Variants in CABYR observed in about 807,000 individuals in gnomAD.
CABYR encodes the protein calcium-binding tyrosine phosphorylation-regulated protein.
CABYR carries 31 observed loss-of-function variants against 36.1 expected under a neutral mutation model. The observed-to-expected ratio is 0.86, with a 90% CI of 0.64 to 1.16. The LOEUF (loss-of-function observed/expected upper bound fraction) is 1.16, where lower values mean the gene tolerates loss of function less well. CABYR is among the 50% of genes most tolerant of loss of function. The probability of loss-of-function intolerance (pLI) is 0.00; values close to 1 mark genes in which losing one functional copy is unlikely to be tolerated. For missense variants in CABYR, 429 were observed against 455.8 expected (o/e 0.94, Z 0.53); for synonymous variants, 146 against 160.7 (o/e 0.91, Z 0.69).
chr18:24,156,327 G>A, intron 4 of CABYR: 1 of 1,614,144 alleles, frequency 6.2e-7, no homozygotes, highest in Middle Eastern at 1.6e-4. Flanking sequence ...TTATGATCAA[G>A]CTCCTGAGGT....
rs1181239647 is a variant in CABYR at position 24,155,793 on chromosome 18, C to T, written c.292C>T (p.Gln98Ter). 1.2e-6 allele frequency: 2 copies of T among 1,613,876 alleles called. No homozygotes were observed. The highest frequency in any genetic ancestry group is 1.7e-6 in the Non-Finnish European group (2 of 1,179,922). Residue 98 changes from glutamine to a stop codon, truncating the protein, a stop_gained, in exon 4 of 6, where the codon CAG (glutamine) becomes TAG (stop). Transcript: ENST00000399496. LOFTEE classifies it high-confidence loss of function. ...ATCTGTAGAATCTAAAGTACCTACCCAGATGGAAAAATCTACAGACACAGA... is the reference window on the plus strand; with the variant it reads ...ATCTGTAGAATCTAAAGTACCTACCTAGATGGAAAAATCTACAGACACAGA... ...KTSVESKVPT[Q>*]MEKSTDTDED...
chr18:24,148,889 T>G (rs1568459531), intron 3 of CABYR, among the ~76,000 whole-genome samples: 1 of 152,112 alleles, frequency 6.6e-6, no homozygotes, highest in Non-Finnish European at 1.5e-5. Flanking sequence ...CAAAATTTAT[T>G]GCAAAGAGGA....
At position 24,147,179 on chromosome 18, in the gene CABYR, T is replaced by C. The variant is rs796321424; in HGVS notation, c.199+3766T>C. Among the ~76,000 whole-genome samples, 89 of 140,128 alleles carry C rather than the reference T, an allele frequency of 6.4e-4. 1 individual carries two copies. The highest frequency in any genetic ancestry group is 2.2e-3 in the African/African-American group (83 of 37,024). The allele number at this position is 140,128 out of a possible 152,430, so 91.9% of individuals were successfully genotyped here. On this transcript the variant is annotated intron_variant, in intron 3 of 5. Coordinates refer to ENST00000399496, the MANE Select transcript of CABYR (RefSeq NM_153769.3). ...GCATGGTGGCACACACCTGTAGTCGTGGATATTCAGGAGGCTGAAGCTGTG... is the reference window on the plus strand; with the variant it reads ...GCATGGTGGCACACACCTGTAGTCGCGGATATTCAGGAGGCTGAAGCTGTG...
At chr18:24,150,147 G>C (rs188466350) in intron 3 of CABYR, among the ~76,000 whole-genome samples, 1 of 152,386 alleles carries the variant, frequency 6.6e-6, no homozygotes, top group East Asian at 1.9e-4. Context: ...AGACCCGGAA[G>C]AGAAGAGGGA....
chr18:24,149,858 C>T (rs1324216744), intron 3 of CABYR, among the ~76,000 whole-genome samples: 1 of 152,252 alleles, frequency 6.6e-6, no homozygotes, highest in East Asian at 1.9e-4. Flanking sequence ...ATGCGGGGCC[C>T]GCCAAGCCCA....
chr18:24,153,623 C>T (rs1411495575), intron 3 of CABYR, among the ~76,000 whole-genome samples: 1 of 152,158 alleles, frequency 6.6e-6, no homozygotes, highest in Non-Finnish European at 1.5e-5. Context: ...GGGCTGGTTC[C>T]TCTTTTGAAA....
intron 3 of CABYR, among the ~76,000 whole-genome samples, chr18:24,151,992 G>A (rs2085651417): frequency 6.6e-6 from 1 of 152,046 alleles, no homozygotes; most frequent in Non-Finnish European, 1.5e-5. Context: ...GCCTGACCTA[G>A]TGTTTGCATT....
intron 3 of CABYR, among the ~76,000 whole-genome samples, chr18:24,153,299 T>G (rs967603240): frequency 2.0e-5 from 3 of 152,116 alleles, no homozygotes; most frequent in Admixed American, 2.0e-4. Flanking sequence ...AGCCAAACTC[T>G]GCCTTCTCTC....
At chr18:24,146,330 G>A (rs958548501) in intron 3 of CABYR, among the ~76,000 whole-genome samples, 3 of 152,102 alleles carry the variant, frequency 2.0e-5, no homozygotes, top group South Asian at 2.1e-4. Context: ...ACTAAAAAAC[G>A]AGCCAACAGA....
chr18:24,155,169 C>G (rs542419240), intron 3 of CABYR, among the ~76,000 whole-genome samples: 6 of 152,146 alleles, frequency 3.9e-5, no homozygotes, highest in Non-Finnish European at 5.9e-5. Flanking sequence ...GGTCTCCCCC[C>G]CACCCAACCT....
At chr18:24,157,009 T>C (rs918657685) in intron 4 of CABYR, 1 of 1,583,264 alleles carries the variant, frequency 6.3e-7, no homozygotes, top group Admixed American at 1.7e-5. Flanking sequence ...GGTAAGAAAA[T>C]CAGGTATTTC....
chr18:24,156,633 T>A (rs2085794781), intron 4 of CABYR: 3 of 1,614,176 alleles, frequency 1.9e-6, no homozygotes, highest in African/African-American at 1.3e-5. Context: ...TTCCTCAGTA[T>A]ATATGGAGGC....
Position 24,143,424 on chromosome 18 carries a change from CA to C in CABYR, c.199+13del. On this transcript the variant is annotated intron_variant, in intron 3 of 5. Transcript: ENST00000399496. ...TTCATCAGATTAAAGGTAAGTACCA[CA>C]AGTAGTAATAGTTTTAATAATGATG... The C allele has an allele frequency of 1.4e-6, 2 of 1,439,078 alleles. No individual in the cohort carries two copies. Among genetic ancestry groups the C allele is most frequent in the Non-Finnish European group, 1.9e-6 (2 of 1,039,260 alleles). The allele number at this position is 1,439,078 out of a possible 1,614,324, so 89.1% of individuals were successfully genotyped here.
chr18:24,148,536 G>A (rs899082342), intron 3 of CABYR: 2 of 159,302 alleles, frequency 1.3e-5, no homozygotes, highest in African/African-American at 4.8e-5. Context: ...GTGATGGTGT[G>A]TCTGGAATTG....
In CABYR at chr18:24,155,911, T is replaced by C. The variant is rs1219755290; in HGVS notation, c.410T>C (p.Val137Ala). 1.2e-6 allele frequency: 2 copies of C among 1,613,954 alleles called. No homozygotes were observed. The highest frequency in any genetic ancestry group is 1.6e-4 in the Middle Eastern group (1 of 6,084). ...AVPGTEQTEA[V>A]GGLSSKPATP... ...CCAGGCACTGAGCAAACGGAAGCAG[T>C]TGGTGGTCTTTCTTCCAAACCAGCC... Residue 137 changes from valine (V) to alanine (A), a missense_variant, in exon 4 of 6, where the codon GTT becomes GCT. Transcript: ENST00000399496.
At chr18:24,156,569 T>TA (rs1188808635) in intron 4 of CABYR, 3 of 1,614,066 alleles carry the variant, frequency 1.9e-6, no homozygotes, top group Non-Finnish European at 1.7e-6. Context: ...CTGGCATGTC[T>TA]AAAAAATCTG....
intron 4 of CABYR, among the ~76,000 whole-genome samples, chr18:24,158,179 A>T (rs946956887): frequency 1.3e-5 from 2 of 152,128 alleles, no homozygotes; most frequent in Non-Finnish European, 2.9e-5. Flanking sequence ...ACAAATTCAG[A>T]TTATCAAAAC....
chr18:24,155,521 A>G (rs1295412537), intron 3 of CABYR, among the ~76,000 whole-genome samples, 180 bp from the exon 4 acceptor site: 1 of 151,886 alleles, frequency 6.6e-6, no homozygotes, highest in Non-Finnish European at 1.5e-5. Flanking sequence ...ATGGGGTCTC[A>G]CTGTTGCCCA....
chr18:24,143,306 T>G, intron 2 of CABYR, 47 bp downstream of exon 2: 3 of 1,600,926 alleles, frequency 1.9e-6, no homozygotes, highest in Non-Finnish European at 2.6e-6. Flanking sequence ...AGAAAACATT[T>G]TAAGTTAGGA....
Sources: allele counts gnomAD v4.1 joint callset (sites outside exome capture counted in the v4.1 genomes callset), GRCh38; gene constraint gnomAD v4.1.1; transcripts MANE v1.5; gene names NCBI Gene and HGNC (gene_info 2026-07-23, HGNC 2026-07-21).